The following OC90 variants were observed in gnomAD, a reference collection of about 807,000 sequenced individuals.
OC90 encodes otoconin-90.
A neutral mutation model predicts 47.3 loss-of-function variants in OC90; 46 were observed. That is an observed-to-expected ratio of 0.97 (90% CI 0.77 to 1.24). The LOEUF (loss-of-function observed/expected upper bound fraction) is 1.24. OC90 is among the 50% of genes most tolerant of loss of function. The pLI is 0.00. For synonymous variants in OC90, 271 were observed against 219.5 expected (o/e 1.23, Z -2.07); for missense variants, 688 against 583.9 (o/e 1.18, Z -1.84).
intron 3 of OC90, 124 bp downstream of exon 3, chr8:132,045,694 C>T (rs954129474): frequency 1.1e-5 from 7 of 611,238 alleles, no homozygotes; most frequent in African/African-American, 1.1e-4. Context: ...CACTTCAATC[C>T]CTTTACTTAC....
intron 2 of OC90, among the ~76,000 whole-genome samples, chr8:132,046,425 C>G (rs1823134505): frequency 6.6e-6 from 1 of 152,152 alleles, no homozygotes; most frequent in African/African-American, 2.4e-5. Flanking sequence ...AGCAAGCTCC[C>G]CAACTAGTTT....
chr8:132,038,951 C>T (rs1275272587), intron 7 of OC90, 44 bp downstream of exon 7: 2 of 1,613,728 alleles, frequency 1.2e-6, no homozygotes, highest in Non-Finnish European at 1.7e-6. Flanking sequence ...CAGCTGCTGT[C>T]CAGATCCTCA....
chr8:132,046,692 G>A (rs1182620229), intron 2 of OC90, among the ~76,000 whole-genome samples: 1 of 152,150 alleles, frequency 6.6e-6, no homozygotes, highest in African/African-American at 2.4e-5. Flanking sequence ...TCTTTCCCCA[G>A]CAATATAAAG....
At chr8:132,040,348 G>A (rs1395648988) in intron 6 of OC90, among the ~76,000 whole-genome samples, 1 of 152,222 alleles carries the variant, frequency 6.6e-6, no homozygotes, top group Non-Finnish European at 1.5e-5. Flanking sequence ...TAAGCCTACA[G>A]CACATAATAA....
At chr8:132,051,493 A>T (rs912354442) in intron 2 of OC90, among the ~76,000 whole-genome samples, 26 of 152,214 alleles carry the variant, frequency 1.7e-4, no homozygotes, top group African/African-American at 6.3e-4. Context: ...AACAAATGTG[A>T]ATCCACATTC....
Position 132,038,890 on chromosome 8 carries a change from A to G in OC90, c.587-59T>C, listed in dbSNP as rs192783213. On this transcript the variant is annotated intron_variant, in intron 7 of 13. Coordinates refer to ENST00000254627, the MANE Select transcript of OC90 (RefSeq NM_001080399.3). ...AGCAGTGGGTTTGAGGGAGGGTTTG[A>G]AGATGCTGGACTTGGCATCTAGAGA... 423 of 1,604,290 alleles carry G rather than the reference A, an allele frequency of 2.6e-4. 1 individual carries two copies. In the African/African-American group the frequency reaches 4.9e-3, roughly 18 times the overall value.
chr8:132,029,581 A>T (rs1179461897), intron 12 of OC90, among the ~76,000 whole-genome samples: 5 of 152,042 alleles, frequency 3.3e-5, no homozygotes, highest in Non-Finnish European at 5.9e-5. Context: ...CAGTAAGCTT[A>T]CTCCCTCCAA....
intron 10 of OC90, 82 bp downstream of exon 10, chr8:132,034,699 C>CCAA: frequency 7.4e-6 from 7 of 948,914 alleles, no homozygotes; most frequent in African/African-American, 1.7e-5. Context: ...TCATTTGGAA[C>CCAA]CCAGTTGATA....
At chr8:132,041,831 A>G (rs7014522) in intron 4 of OC90, 132 bp from the exon 5 acceptor site, 401,256 of 550,628 alleles carry the variant, frequency 0.73, 147,043 homozygotes, top group East Asian at 0.77. Context: ...TCTGTAATAA[A>G]ACTGTTTTAG....
Position 132,024,486 on chromosome 8 carries a change from T to A in OC90, c.1429A>T (p.Arg477Ter). ...TAGCCATTTTCTCTGGGCATCTATC[T>A]TCCATGAAGAGGCCCGATCCCCAAG... ...GPLGIGPLHG[R>*] is the part of the protein sequence containing the mutation. Residue 477 changes from arginine to a stop codon, truncating the protein, a stop_gained, in exon 14 of 14, where the codon AGA becomes TGA. Coordinates refer to ENST00000254627, the MANE Select transcript of OC90 (RefSeq NM_001080399.3). LOFTEE classifies it high-confidence loss of function. The A allele has an allele frequency of 3.2e-6, 5 of 1,539,346 alleles. No homozygotes were observed. Among genetic ancestry groups the A allele is most frequent in the Non-Finnish European group, 4.4e-6 (5 of 1,142,834 alleles).
In OC90 at chr8:132,041,616, A is replaced by G. The variant is rs781417872; in HGVS notation, c.253T>C (p.Cys85Arg). ...TCTCGGGGGCAGAGACCAGCCACAC[A>G]CTTCATACCATTGACAAACTGGATC... Reference protein sequence around the residue: ...VLIQFVNGMKCVAGLCPRDFE... With the variant: ...VLIQFVNGMKRVAGLCPRDFE... The change falls in exon 5 of 14, where the codon TGT becomes CGT. Residue 85 changes from cysteine to arginine, a missense_variant. Cys to Arg is a radical substitution (Grantham distance 180). Transcript: ENST00000254627. The G allele has an allele frequency of 6.2e-7, 1 of 1,611,294 alleles. No homozygotes were observed. The highest frequency in any genetic ancestry group is 1.1e-5 in the South Asian group (1 of 90,966).
At position 132,038,899 on chromosome 8, in the gene OC90, G is replaced by A. The variant is rs557257410; in HGVS notation, c.587-68C>T. ...TTTGAGGGAGGGTTTGAAGATGCTG[G>A]ACTTGGCATCTAGAGACATGAAGCA... On this transcript the variant is annotated intron_variant, in intron 7 of 13. Transcript: ENST00000254627. 1.9e-5 allele frequency: 30 copies of A among 1,598,376 alleles called. No individual in the cohort carries two copies. The Admixed American group carries it at 2.7e-4, about 14-fold the overall frequency.
chr8:132,027,821 C>G (rs1374735746), intron 13 of OC90, among the ~76,000 whole-genome samples: 1 of 152,174 alleles, frequency 6.6e-6, no homozygotes, highest in Non-Finnish European at 1.5e-5. Context: ...AATAGTATTC[C>G]TCAAGTCTTC....
intron 4 of OC90, among the ~76,000 whole-genome samples, chr8:132,043,595 G>A (rs889858761): frequency 6.6e-6 from 1 of 152,188 alleles, no homozygotes; most frequent in African/African-American, 2.4e-5. Context: ...ACAAGACGGA[G>A]CTTAAGGGCA....
intron 5 of OC90, 151 bp downstream of exon 5, chr8:132,041,374 T>A (rs1485369753): frequency 1.5e-6 from 1 of 682,260 alleles, no homozygotes; most frequent in African/African-American, 1.8e-5. Context: ...CATGTAAAGA[T>A]GAGTCACCCA....
chr8:132,057,581 C>T (rs1361268099), intron 1 of OC90, among the ~76,000 whole-genome samples: 1 of 152,162 alleles, frequency 6.6e-6, no homozygotes, highest in Non-Finnish European at 1.5e-5. Flanking sequence ...GGCGTGATTG[C>T]ATATCAATGT....
intron 13 of OC90, among the ~76,000 whole-genome samples, chr8:132,026,114 T>C (rs147560307): frequency 5.3e-4 from 80 of 152,370 alleles, no homozygotes; most frequent in African/African-American, 1.9e-3. Context: ...CAAATTTAAC[T>C]GGGCATCATG....
intron 1 of OC90, among the ~76,000 whole-genome samples, chr8:132,057,146 A>G (rs1333587860): frequency 6.6e-6 from 1 of 152,242 alleles, no homozygotes; most frequent in Non-Finnish European, 1.5e-5. Flanking sequence ...CAAAAGCATT[A>G]AGAATTACAA....
intron 2 of OC90, among the ~76,000 whole-genome samples, chr8:132,047,665 GGTAA>G (rs1267703662): frequency 1.3e-5 from 2 of 152,002 alleles, no homozygotes; most frequent in African/African-American, 4.8e-5. Context: ...CTTCTAAAAA[GGTAA>G]GTATTTTTAC....
Sources: allele counts gnomAD v4.1 joint callset (sites outside exome capture counted in the v4.1 genomes callset), GRCh38; gene constraint gnomAD v4.1.1; transcripts MANE v1.5; gene names NCBI Gene and HGNC (gene_info 2026-07-23, HGNC 2026-07-21).